The following ASIC2 variants were observed in gnomAD, a reference collection of about 807,000 sequenced individuals.
ASIC2 encodes acid sensing ion channel subunit 2.
A neutral mutation model predicts 57.3 loss-of-function variants in ASIC2; 25 were observed. That is an observed-to-expected ratio of 0.44 (90% CI 0.32 to 0.61). ASIC2 has a LOEUF of 0.61. Among genes scored for constraint, ASIC2 ranks in the 20% least tolerant of loss-of-function variants. The pLI, the probability that ASIC2 is intolerant of heterozygous loss-of-function variation, is 0.06. For synonymous variants in ASIC2, 319 were observed against 307.5 expected, an observed-to-expected ratio of 1.04 and a Z score of -0.39; for missense variants, 641 against 738.1, an observed-to-expected ratio of 0.87 and a Z score of 1.52.
chr17:33,648,501 A>G (rs1347799379), intron 1 of ASIC2, among the ~76,000 whole-genome samples: 1 of 152,236 alleles, frequency 6.6e-6, no homozygotes, highest in Admixed American at 6.5e-5. Context: ...AGAAGACAAG[A>G]TGACTGCCTG....
At chr17:33,863,869 C>T (rs1914159395) in intron 1 of ASIC2, among the ~76,000 whole-genome samples, 1 of 151,740 alleles carries the variant, frequency 6.6e-6, no homozygotes, top group South Asian at 2.1e-4. Context: ...TTATTATGCT[C>T]ACTTTTACAT....
chr17:33,944,894 T>A (rs1904326985), intron 1 of ASIC2, among the ~76,000 whole-genome samples: 1 of 152,164 alleles, frequency 6.6e-6, no homozygotes, highest in African/African-American at 2.4e-5. Flanking sequence ...TGGGACACCA[T>A]CCTTTCTGCT....
intron 1 of ASIC2, among the ~76,000 whole-genome samples, chr17:33,476,503 GCATATATATA>G (rs371612925): frequency 0.34 from 32,745 of 95,196 alleles, 3,953 homozygotes; most frequent in Admixed American, 0.41. Flanking sequence ...GTGTGTGTGT[GCATATATATA>G]TATATATATA....
At chr17:34,155,021 C>A (rs1043314350) in intron 1 of ASIC2, among the ~76,000 whole-genome samples, 3 of 151,998 alleles carry the variant, frequency 2.0e-5, no homozygotes, top group Non-Finnish European at 4.4e-5. Context: ...CTCCAGTAAG[C>A]CCCATCCTGA....
At chr17:33,067,737 G>C (rs1438342617) in intron 3 of ASIC2, among the ~76,000 whole-genome samples, 2 of 152,150 alleles carry the variant, frequency 1.3e-5, no homozygotes, top group Non-Finnish European at 1.5e-5. Flanking sequence ...CATCAGGGTA[G>C]AGAGAAACAG....
At chr17:33,307,748 C>G (rs1906244465) in intron 1 of ASIC2, among the ~76,000 whole-genome samples, 1 of 152,206 alleles carries the variant, frequency 6.6e-6, no homozygotes, top group Non-Finnish European at 1.5e-5. Flanking sequence ...TATTGAAACT[C>G]TCTGAGTCTT....
At chr17:33,385,614 T>A (rs1909645838) in intron 1 of ASIC2, among the ~76,000 whole-genome samples, 1 of 152,258 alleles carries the variant, frequency 6.6e-6, no homozygotes, top group South Asian at 2.1e-4. Flanking sequence ...TGGAGACAGC[T>A]GCGTAATGCA....
chr17:33,615,124 T>C (rs1288242982), intron 1 of ASIC2, among the ~76,000 whole-genome samples: 1 of 152,248 alleles, frequency 6.6e-6, no homozygotes, highest in Non-Finnish European at 1.5e-5. Flanking sequence ...TTCCAACTTT[T>C]TCCATCACAA....
intron 1 of ASIC2, among the ~76,000 whole-genome samples, chr17:33,827,054 C>T (rs1912942664): frequency 1.3e-5 from 2 of 152,204 alleles, no homozygotes; most frequent in East Asian, 3.9e-4. Flanking sequence ...AGGGTTTCTT[C>T]TGTATGTTAG....
At chr17:34,019,274 G>A (rs1007606933) in intron 1 of ASIC2, among the ~76,000 whole-genome samples, 2 of 152,164 alleles carry the variant, frequency 1.3e-5, no homozygotes, top group African/African-American at 2.4e-5. Context: ...AAAGGATTGA[G>A]AATATTCCAT....
chr17:33,066,231 G>A (rs1312070113), intron 3 of ASIC2, among the ~76,000 whole-genome samples: 2 of 152,208 alleles, frequency 1.3e-5, no homozygotes, highest in Non-Finnish European at 2.9e-5. Flanking sequence ...TGAGGGCTGA[G>A]AGAGAACAAC....
intron 1 of ASIC2, among the ~76,000 whole-genome samples, chr17:34,092,715 T>C (rs1199949626): frequency 6.6e-6 from 1 of 152,150 alleles, no homozygotes; most frequent in East Asian, 1.9e-4. Flanking sequence ...GAAATATAAA[T>C]CACAATACAA....
At chr17:33,348,711 G>A (rs553554915) in intron 1 of ASIC2, among the ~76,000 whole-genome samples, 1 of 152,158 alleles carries the variant, frequency 6.6e-6, no homozygotes, top group South Asian at 2.1e-4. Flanking sequence ...AGAGGTGTGG[G>A]ACTGATAGGA....
intron 1 of ASIC2, among the ~76,000 whole-genome samples, chr17:34,054,201 T>C (rs980214811): frequency 2.0e-5 from 3 of 152,272 alleles, no homozygotes; most frequent in African/African-American, 7.2e-5. Flanking sequence ...CCATTGCTTC[T>C]CTGTCATAAT....
chr17:33,939,175 T>C (rs892213436), intron 1 of ASIC2, among the ~76,000 whole-genome samples: 5 of 152,248 alleles, frequency 3.3e-5, no homozygotes, highest in African/African-American at 9.6e-5. Context: ...CACAAGATAG[T>C]AAAACTATAA....
At chr17:33,583,860 T>C (rs937497767) in intron 1 of ASIC2, among the ~76,000 whole-genome samples, 2 of 152,178 alleles carry the variant, frequency 1.3e-5, no homozygotes, top group Non-Finnish European at 2.9e-5. Context: ...CTGCATTTGA[T>C]TTCTCTGTGG....
intron 1 of ASIC2, among the ~76,000 whole-genome samples, chr17:33,906,439 T>C (rs1483254225): frequency 6.6e-6 from 1 of 152,186 alleles, no homozygotes; most frequent in African/African-American, 2.4e-5. Context: ...TGAGTAAGTA[T>C]TCCACTCCTA....
intron 1 of ASIC2, among the ~76,000 whole-genome samples, chr17:33,316,262 G>A (rs1222086466): frequency 6.6e-6 from 1 of 152,150 alleles, no homozygotes; most frequent in East Asian, 1.9e-4. Flanking sequence ...CTCCTTTGCT[G>A]AACACGCTAC....
At chr17:34,024,577 T>C (rs1456122700) in intron 1 of ASIC2, among the ~76,000 whole-genome samples, 2 of 152,190 alleles carry the variant, frequency 1.3e-5, no homozygotes, top group African/African-American at 2.4e-5. Context: ...AGAAGAGAAA[T>C]GGCTGGAGTG....
Sources: gnomAD v4.1 joint callset for allele counts (sites outside exome capture counted in the v4.1 genomes callset) on GRCh38, gnomAD v4.1.1 for gene constraint, MANE v1.5 for transcripts, NCBI Gene and HGNC (gene_info 2026-07-23, HGNC 2026-07-21) for gene names.